Variants in LRIF1 observed in about 807,000 individuals in gnomAD.
LRIF1 encodes ligand-dependent nuclear receptor-interacting factor 1.
In LRIF1, 32 loss-of-function variants were observed where a neutral mutation model predicts 52.7. The observed-to-expected ratio is 0.61, with a 90% CI of 0.46 to 0.82. The LOEUF is 0.82. Among genes scored for constraint, LRIF1 ranks in the 40% least tolerant of loss-of-function variants. LRIF1 has a pLI of 0.00. For missense variants in LRIF1, 887 were observed against 892.0 expected, an observed-to-expected ratio of 0.99 and a Z score of 0.07; for synonymous variants, 323 against 317.4, an observed-to-expected ratio of 1.02 and a Z score of -0.19.
chr1:110,890,059 G>A, the LRIF1 span, among the ~76,000 whole-genome samples: 1 of 152,102 alleles, frequency 6.6e-6, no homozygotes, highest in Non-Finnish European at 1.5e-5. Context: ...CTTATCTACA[G>A]CCTGGATGAA....
At chr1:110,926,701 G>A in the LRIF1 span, among the ~76,000 whole-genome samples, 112 of 152,116 alleles carry the variant, frequency 7.4e-4, no homozygotes, top group Admixed American at 2.9e-3. Context: ...AATTACCTCT[G>A]CATTAATCTA....
the LRIF1 span, among the ~76,000 whole-genome samples, chr1:110,908,314 C>A: frequency 6.6e-6 from 1 of 152,150 alleles, no homozygotes; most frequent in Non-Finnish European, 1.5e-5. Flanking sequence ...TGAGAAAGTG[C>A]GAGTGCAATA....
the LRIF1 span, among the ~76,000 whole-genome samples, chr1:110,921,826 A>T: frequency 3.3e-5 from 5 of 152,094 alleles, no homozygotes; most frequent in African/African-American, 7.2e-5. Flanking sequence ...TACCTTTTTT[A>T]AAAAAAGCTT....
At chr1:110,889,266 T>G in the LRIF1 span, among the ~76,000 whole-genome samples, 1 of 151,940 alleles carries the variant, frequency 6.6e-6, no homozygotes. Context: ...TCTTTAAGAC[T>G]CAATAATTGG....
chr1:110,889,328 G>T, the LRIF1 span, among the ~76,000 whole-genome samples: 1 of 152,000 alleles, frequency 6.6e-6, no homozygotes, highest in Non-Finnish European at 1.5e-5. Flanking sequence ...AGGCTGAGAC[G>T]GGTAGATCAC....
the LRIF1 span, chr1:110,899,114 C>T: frequency 6.8e-6 from 11 of 1,612,190 alleles, no homozygotes; most frequent in Middle Eastern, 3.3e-4. Context: ...TTTCCCAACT[C>T]TTTTCACAGG....
the LRIF1 span, among the ~76,000 whole-genome samples, chr1:110,906,197 G>A: frequency 1.3e-4 from 20 of 151,698 alleles, no homozygotes; most frequent in African/African-American, 4.8e-4. Flanking sequence ...AATGTTATTG[G>A]GTATAAAATC....
At chr1:110,913,982 T>G in the LRIF1 span, among the ~76,000 whole-genome samples, 1 of 152,182 alleles carries the variant, frequency 6.6e-6, no homozygotes, top group Non-Finnish European at 1.5e-5. Flanking sequence ...CAAAATTATG[T>G]CCTTTGCAGC....
chr1:110,902,757 C>T, the LRIF1 span, among the ~76,000 whole-genome samples: 1 of 152,264 alleles, frequency 6.6e-6, no homozygotes, highest in Admixed American at 6.5e-5. Context: ...CCAGTTTCCC[C>T]TCCCCATCCA....
chr1:110,958,788 C>T (rs370857018), intron 1 of LRIF1, among the ~76,000 whole-genome samples: 6 of 152,130 alleles, frequency 3.9e-5, no homozygotes, highest in Non-Finnish European at 7.4e-5. Flanking sequence ...CTATATACTC[C>T]GCATCTAATT....
At chr1:110,958,158 T>C (rs1462829799) in intron 1 of LRIF1, among the ~76,000 whole-genome samples, 1 of 152,210 alleles carries the variant, frequency 6.6e-6, no homozygotes, top group Non-Finnish European at 1.5e-5. Context: ...CTCCAACCAA[T>C]CTCTACAACA....
At chr1:110,931,982 G>C in the LRIF1 span, among the ~76,000 whole-genome samples, 1 of 152,208 alleles carries the variant, frequency 6.6e-6, no homozygotes, top group African/African-American at 2.4e-5. Context: ...AAGCTCTTTG[G>C]TTTAATTAGA....
chr1:110,913,085 A>G, the LRIF1 span, among the ~76,000 whole-genome samples: 6 of 152,212 alleles, frequency 3.9e-5, no homozygotes, highest in African/African-American at 1.4e-4. Flanking sequence ...ACTCCCTATT[A>G]AACAAATGGT....
chr1:110,900,982 GT>G, the LRIF1 span, among the ~76,000 whole-genome samples: 1 of 152,098 alleles, frequency 6.6e-6, no homozygotes, highest in Non-Finnish European at 1.5e-5. Context: ...ATGTAGAGAA[GT>G]CAGAGAAAGG....
At chr1:110,901,766 G>A in the LRIF1 span, among the ~76,000 whole-genome samples, 515 of 152,276 alleles carry the variant, frequency 3.4e-3, 6 homozygotes, top group African/African-American at 0.012. Context: ...GTGAGGCACC[G>A]TCCCCGGTGA....
chr1:110,904,554 A>G, the LRIF1 span, among the ~76,000 whole-genome samples: 1 of 152,240 alleles, frequency 6.6e-6, no homozygotes. Flanking sequence ...TAGTACTTCT[A>G]TGAGTCCATA....
the LRIF1 span, among the ~76,000 whole-genome samples, chr1:110,931,337 G>T: frequency 6.6e-6 from 1 of 152,138 alleles, no homozygotes. Context: ...TGGCTGCATA[G>T]TATTCCATGG....
the LRIF1 span, among the ~76,000 whole-genome samples, chr1:110,916,195 T>C: frequency 1.3e-5 from 2 of 152,200 alleles, no homozygotes; most frequent in African/African-American, 4.8e-5. Context: ...CCTGGTAAAA[T>C]GATAAATATA....
At chr1:110,913,560 C>G in the LRIF1 span, among the ~76,000 whole-genome samples, 17 of 152,302 alleles carry the variant, frequency 1.1e-4, no homozygotes, top group African/African-American at 4.1e-4. Context: ...CTCAACATCA[C>G]TTATCATTAG....
Sources: allele counts gnomAD v4.1 joint callset (sites outside exome capture counted in the v4.1 genomes callset), GRCh38; gene constraint gnomAD v4.1.1; transcripts MANE v1.5; gene names NCBI Gene and HGNC (gene_info 2026-07-23, HGNC 2026-07-21).